SUSD1: variants seen among roughly 807,000 people sequenced by gnomAD.
SUSD1 encodes sushi domain containing 1.
Under a neutral mutation model 86.9 loss-of-function variants are expected in SUSD1, and 65 were observed. The ratio of observed to expected loss-of-function variants is 0.75; its 90% CI spans 0.61 to 0.92. SUSD1 has a LOEUF of 0.92. Among genes scored for constraint, SUSD1 ranks in the 40% least tolerant of loss-of-function variants. SUSD1 has a pLI of 0.00. For missense variants in SUSD1, 850 were observed against 929.7 expected (o/e 0.91, Z 1.11); for synonymous variants, 346 against 350.0 (o/e 0.99, Z 0.13).
chr9:112,152,913 C>T (rs1401902966), intron 2 of SUSD1, among the ~76,000 whole-genome samples: 2 of 145,418 alleles, frequency 1.4e-5, no homozygotes, highest in African/African-American at 5.3e-5. Flanking sequence ...TGCCACCACA[C>T]CTGGCTAATT....
intron 13 of SUSD1, among the ~76,000 whole-genome samples, chr9:112,060,878 C>T (rs113498136): frequency 2.6e-5 from 4 of 152,150 alleles, no homozygotes; most frequent in Admixed American, 6.5e-5. Context: ...TGGTGGTGGT[C>T]AAGAGCAAGG....
intron 2 of SUSD1, among the ~76,000 whole-genome samples, chr9:112,155,899 G>A (rs1018061821): frequency 6.6e-6 from 1 of 150,754 alleles, no homozygotes; most frequent in South Asian, 2.1e-4. Flanking sequence ...GAGGGAGAAG[G>A]AGAAAAGAAA....
intron 10 of SUSD1, among the ~76,000 whole-genome samples, chr9:112,086,537 A>G (rs186346574): frequency 1.5e-4 from 20 of 133,302 alleles, no homozygotes; most frequent in African/African-American, 5.5e-4. Context: ...AGAGAGAGAA[A>G]AAAAGAAAGA....
rs141633261 is a variant in SUSD1 at position 112,085,453 on chromosome 9, G to C, written c.1475-5288C>G. Among the ~76,000 whole-genome samples the C allele has an allele frequency of 4.0e-3, 608 of 152,314 alleles. 6 individuals are homozygous for C. The highest frequency in any genetic ancestry group is 0.014 in the African/African-American group (574 of 41,574). ...GGATATTGTTATTCCCATGTTCACA[G>C]TTAAGGCAACTGGGACACATAGAGG... On this transcript the variant is annotated intron_variant, in intron 10 of 16. Transcript: ENST00000374270.
chr9:112,086,560 AAGAG>A lies in SUSD1; in HGVS notation c.1475-6399_1475-6396del, dbSNP rs71382404. On this transcript the variant is annotated intron_variant, in intron 10 of 16. Coordinates refer to ENST00000374270, the MANE Select transcript of SUSD1 (RefSeq NM_022486.5). ...AAAAAAAGAAAGAAAGAAAGAAAGA[AAGAG>A]AGAGAGAGAGAGAGAGAGAGATCTG... Among the ~76,000 whole-genome samples, 386 of 136,302 alleles carry A rather than the reference AAGAG, an allele frequency of 2.8e-3. 3 individuals are homozygous for A. The highest frequency in any genetic ancestry group is 7.6e-3 in the African/African-American group (241 of 31,518). 89.4% of individuals were successfully genotyped at this position (136,302 alleles called of 152,430 possible).
intron 9 of SUSD1, among the ~76,000 whole-genome samples, chr9:112,100,045 C>G (rs1462017519): frequency 1.2e-4 from 19 of 152,180 alleles, no homozygotes; most frequent in Admixed American, 1.2e-3. Context: ...TCTTCTGGAC[C>G]ACTTACTAGT....
chr9:112,078,665 A>C lies in SUSD1; in HGVS notation c.1626T>G (p.Asn542Lys), dbSNP rs780454364. The change falls in exon 12 of 17, where the codon AAT (asparagine) becomes AAG (lysine). Residue 542 changes from asparagine (N) to lysine (K), a missense_variant. Physicochemically the swap from Asn to Lys is moderately conservative, Grantham distance 94. Coordinates refer to ENST00000374270, the MANE Select transcript of SUSD1 (RefSeq NM_022486.5). ...CGGGATCTCGGCTGCTGCTACTGAT[A>C]TTAAAGGTCATTTCCTGGGCAAATT... The part of the protein sequence containing the change: ...QKEFAQEMTF[N>K]ISSSSRDPEV... The C allele has an allele frequency of 2.5e-6, 4 of 1,614,062 alleles. No individual in the cohort carries two copies. Among genetic ancestry groups the C allele is most frequent in the Non-Finnish European group, 3.4e-6 (4 of 1,179,964 alleles).
chr9:112,111,755 T>C lies in SUSD1; in HGVS notation c.1070A>G (p.Glu357Gly). Residue 357 changes from glutamate (E) to glycine (G), a missense_variant, in exon 8 of 17, where the codon GAA (glutamate) becomes GGA (glycine). Glu to Gly is a moderately conservative substitution (Grantham distance 98, BLOSUM62 -2). Transcript: ENST00000374270. ...GCCTGGGTACAGGGCTAGGCACACT[T>C]CTGGGGTCCTGCTGTCTGTGGTCAA... ...VNLTTDSRTP[E>G]VCLALYPGTN... is the part of the protein sequence containing the mutation. The C allele has an allele frequency of 6.2e-7, 1 of 1,614,148 alleles. No individual in the cohort carries two copies. The highest frequency in any genetic ancestry group is 8.5e-7 in the Non-Finnish European group (1 of 1,180,012).
intron 8 of SUSD1, among the ~76,000 whole-genome samples, chr9:112,104,310 G>A (rs12554993): frequency 0.12 from 17,745 of 151,552 alleles, 1,342 homozygotes; most frequent in Admixed American, 0.2. Flanking sequence ...GAACCACCAC[G>A]CCCCTAACCT....
intron 15 of SUSD1, among the ~76,000 whole-genome samples, chr9:112,051,862 A>G (rs1828229360): frequency 6.6e-6 from 1 of 152,038 alleles, no homozygotes; most frequent in African/African-American, 2.4e-5. Context: ...TAGTGGACCT[A>G]TTGTTCACAC....
intron 9 of SUSD1, 74 bp from the exon 10 acceptor site, chr9:112,098,736 T>C (rs3739697): frequency 0.17 from 236,757 of 1,396,238 alleles, 21,478 homozygotes; most frequent in East Asian, 0.23. Flanking sequence ...ATTAGCAAAA[T>C]GGAGTTAAAA....
At chr9:112,122,729 C>A (rs1831604324) in intron 6 of SUSD1, among the ~76,000 whole-genome samples, 1 of 152,058 alleles carries the variant, frequency 6.6e-6, no homozygotes, top group African/African-American at 2.4e-5. Flanking sequence ...GAACACACAC[C>A]CAAGTGTCCA....
At chr9:112,135,340 AAAG>A (rs1422324346) in intron 5 of SUSD1, among the ~76,000 whole-genome samples, 1 of 152,232 alleles carries the variant, frequency 6.6e-6, no homozygotes, top group Non-Finnish European at 1.5e-5. Context: ...CTTGGAGGAA[AAAG>A]AACATTTTCC....
chr9:112,051,408 C>CTTTTTTTTTTTTTTTTTTTTT (rs746946192), intron 15 of SUSD1, among the ~76,000 whole-genome samples: 23 of 77,038 alleles, frequency 3.0e-4, no homozygotes, highest in Admixed American at 4.9e-4. Context: ...TTTTTCTTTT[C>CTTTTTTTTTTTTTTTTTTTTT]TTTTTTTTTT....
rs1189864194 is a variant in SUSD1, at chr9:112,080,102, T to C, written c.1538A>G (p.Lys513Arg). ...NETCLRWRSI[K>R]TADMEEMYLF... ...ATACATCTCCTCCATATCAGCTGTCTTGATGCTTCTCCATCTCAAGCAGGT... is the reference window on the plus strand; with the variant it reads ...ATACATCTCCTCCATATCAGCTGTCCTGATGCTTCTCCATCTCAAGCAGGT... The change falls in exon 11 of 17, where the codon AAG becomes AGG. Residue 513 changes from lysine to arginine, a missense_variant. By Grantham distance (26) the Lys-to-Arg change is conservative. Coordinates refer to ENST00000374270, the MANE Select transcript of SUSD1 (RefSeq NM_022486.5). 2 of 1,613,424 alleles carry C rather than the reference T, an allele frequency of 1.2e-6. No individual in the cohort carries two copies. Among genetic ancestry groups the C allele is most frequent in the East Asian group, 2.2e-5 (1 of 44,856 alleles).
chr9:112,061,042 C>T lies in SUSD1; in HGVS notation c.1850+1895G>A, dbSNP rs112132193. Among the ~76,000 whole-genome samples the T allele has an allele frequency of 1.3e-3, 195 of 152,188 alleles. 2 individuals carry two copies. The highest frequency in any genetic ancestry group is 2.2e-3 in the Non-Finnish European group (149 of 68,036). On this transcript the variant is annotated intron_variant, in intron 13 of 16. Transcript: ENST00000374270. Reference sequence around the variant, plus strand: ...CCGACCTCATACCGACCTACTGAATCGAAATCTCTAGGAGTAGATTCTGGG... The same window carrying T: ...CCGACCTCATACCGACCTACTGAATTGAAATCTCTAGGAGTAGATTCTGGG...
At chr9:112,064,048 G>GT (rs1828858495) in intron 12 of SUSD1, among the ~76,000 whole-genome samples, 1 of 86,918 alleles carries the variant, frequency 1.2e-5, no homozygotes, top group African/African-American at 4.0e-5. Flanking sequence ...TCTTTTTTTG[G>GT]GGGGGGGGCG....
intron 8 of SUSD1, among the ~76,000 whole-genome samples, chr9:112,105,716 C>T (rs545208112): frequency 4.6e-5 from 7 of 152,232 alleles, no homozygotes; most frequent in South Asian, 2.1e-4. Context: ...AAGACTCAGT[C>T]GCAAAACGAC....
intron 1 of SUSD1, among the ~76,000 whole-genome samples, chr9:112,168,116 C>T (rs1307391830): frequency 6.6e-6 from 1 of 152,150 alleles, no homozygotes; most frequent in Non-Finnish European, 1.5e-5. Flanking sequence ...CAAACCATAT[C>T]AATGAGTTAA....
Sources: gnomAD v4.1 joint callset for allele counts (sites outside exome capture counted in the v4.1 genomes callset) on GRCh38, gnomAD v4.1.1 for gene constraint, MANE v1.5 for transcripts, NCBI Gene and HGNC (gene_info 2026-07-23, HGNC 2026-07-21) for gene names.